Variants in NBAS observed in about 807,000 individuals in gnomAD.
The protein encoded by NBAS is NAG/BC035112 fusion.
Under a neutral mutation model 302.5 loss-of-function variants are expected in NBAS, and 219 were observed. The ratio of observed to expected loss-of-function variants is 0.72; its 90% CI spans 0.65 to 0.81. NBAS has a LOEUF of 0.81. NBAS is among the 30% of genes least tolerant of loss of function. NBAS has a pLI of 0.00. For synonymous variants in NBAS, 1,118 were observed against 1,021.6 expected (o/e 1.09, Z -1.80); for missense variants, 2,932 against 2,841.6 (o/e 1.03, Z -0.72).
intron 27 of NBAS, among the ~76,000 whole-genome samples, chr2:15,395,282 A>G (rs752672773): frequency 3.3e-5 from 5 of 152,220 alleles, no homozygotes; most frequent in South Asian, 4.1e-4. Context: ...TCTCTTCTCA[A>G]TTTTACTAGA....
intron 48 of NBAS, among the ~76,000 whole-genome samples, chr2:15,191,814 A>C (rs1483641071): frequency 6.6e-6 from 1 of 152,148 alleles, no homozygotes; most frequent in East Asian, 1.9e-4. Flanking sequence ...AAAACCAAAA[A>C]CAAAAACTCA....
chr2:14,836,424 T>C, the NBAS span, among the ~76,000 whole-genome samples: 2 of 151,894 alleles, frequency 1.3e-5, no homozygotes, highest in Admixed American at 6.6e-5. Flanking sequence ...TTGACTCTCA[T>C]GTAAAGGTCT....
the NBAS span, among the ~76,000 whole-genome samples, chr2:15,133,539 C>T: frequency 6.6e-6 from 1 of 152,024 alleles, no homozygotes; most frequent in Non-Finnish European, 1.5e-5. Flanking sequence ...CATATATGTC[C>T]AGTAGCTTTG....
chr2:15,443,395 C>T (rs897402156), intron 21 of NBAS, among the ~76,000 whole-genome samples: 43 of 152,058 alleles, frequency 2.8e-4, no homozygotes, highest in Admixed American at 9.8e-4. Flanking sequence ...GAACCAAAGA[C>T]AAAAACCACA....
the NBAS span, among the ~76,000 whole-genome samples, chr2:14,997,627 G>A: frequency 6.6e-6 from 1 of 151,802 alleles, no homozygotes; most frequent in Non-Finnish European, 1.5e-5. Context: ...TTTTTTGGTG[G>A]AAATATTTAT....
intron 48 of NBAS, among the ~76,000 whole-genome samples, chr2:15,206,185 G>A (rs1053658480): frequency 6.6e-6 from 1 of 152,178 alleles, no homozygotes; most frequent in East Asian, 1.9e-4. Context: ...AAGTTATTGG[G>A]AACTGGAATA....
chr2:15,527,572 C>T (rs758525914), intron 9 of NBAS, among the ~76,000 whole-genome samples: 1 of 152,104 alleles, frequency 6.6e-6, no homozygotes, highest in African/African-American at 2.4e-5. Context: ...AAAGACAACG[C>T]GTGGAGCCTC....
At chr2:15,553,969 A>C in intron 4 of NBAS, 92 bp downstream of exon 4, 1 of 1,101,430 alleles carries the variant, frequency 9.1e-7, no homozygotes, top group Middle Eastern at 1.9e-4. Context: ...AAAAATCAAG[A>C]CTGAAAGCCA....
At chr2:14,960,571 T>C in the NBAS span, among the ~76,000 whole-genome samples, 3 of 152,182 alleles carry the variant, frequency 2.0e-5, no homozygotes, top group African/African-American at 7.2e-5. Context: ...TGTGAAGAAG[T>C]CTGCTTTAAA....
chr2:15,338,391 T>G (rs1672689433), intron 35 of NBAS, among the ~76,000 whole-genome samples: 1 of 152,130 alleles, frequency 6.6e-6, no homozygotes, highest in Non-Finnish European at 1.5e-5. Context: ...TATAGCAAAT[T>G]TCATCTGAAC....
rs145668858 is a variant in NBAS at position 15,267,045 on chromosome 2, T to C, written c.5724+8439A>G. 3.8e-3 allele frequency among the ~76,000 whole-genome samples: 573 copies of C among 152,320 alleles called. 3 individuals are homozygous for C. Among genetic ancestry groups the C allele is most frequent in the East Asian group, 0.022 (116 of 5,192 alleles). On this transcript the variant is annotated intron_variant, in intron 44 of 51. Coordinates refer to ENST00000281513, the MANE Select transcript of NBAS (RefSeq NM_015909.4). Reference sequence around the variant, plus strand: ...CAATGACATCTTACAAAAAGCCATATCAATTTTAATATATACCAAATCAAA... The same window carrying C: ...CAATGACATCTTACAAAAAGCCATACCAATTTTAATATATACCAAATCAAA...
chr2:15,360,637 G>C (rs973660130), intron 32 of NBAS, among the ~76,000 whole-genome samples: 1 of 142,902 alleles, frequency 7.0e-6, no homozygotes, highest in Non-Finnish European at 1.5e-5. Context: ...AGTCTGAGCC[G>C]CCATGACCAG....
intron 21 of NBAS, among the ~76,000 whole-genome samples, chr2:15,443,811 G>T (rs1481551429): frequency 1.3e-5 from 2 of 151,940 alleles, no homozygotes; most frequent in Non-Finnish European, 2.9e-5. Context: ...AAAGTCTCAG[G>T]ATACAAAATC....
intron 11 of NBAS, among the ~76,000 whole-genome samples, chr2:15,495,399 A>G (rs1288038561): frequency 6.6e-6 from 1 of 152,230 alleles, no homozygotes; most frequent in Non-Finnish European, 1.5e-5. Context: ...CAAAAGAATA[A>G]AGGAAACACC....
At chr2:14,951,733 C>G in the NBAS span, among the ~76,000 whole-genome samples, 1 of 152,202 alleles carries the variant, frequency 6.6e-6, no homozygotes, top group South Asian at 2.1e-4. Context: ...ATTTCACCTT[C>G]AAAGCCACCC....
the NBAS span, among the ~76,000 whole-genome samples, chr2:14,804,061 G>T: frequency 6.6e-6 from 1 of 152,098 alleles, no homozygotes; most frequent in African/African-American, 2.4e-5. Context: ...CATGGATTTT[G>T]TATGTCTGAA....
rs770274060 is a variant in NBAS at position 15,475,885 on chromosome 2, G to A, written c.1148-5C>T. ...GTGGGTAAAAGGACTCTTTATCTAA[G>A]AAGCGAAAAACAAATCAATACAAAT... On this transcript the variant is annotated splice_polypyrimidine_tract_variant and splice_region_variant and intron_variant, in intron 13 of 51. Transcript: ENST00000281513. 6.2e-7 allele frequency: 1 copy of A among 1,608,430 alleles called. No homozygotes were observed. Among genetic ancestry groups the A allele is most frequent in the East Asian group, 2.2e-5 (1 of 44,818 alleles).
chr2:15,331,517 G>A (rs1253068534), intron 35 of NBAS, among the ~76,000 whole-genome samples: 8 of 152,128 alleles, frequency 5.3e-5, no homozygotes, highest in Non-Finnish European at 1.0e-4. Context: ...AAGAATCTCA[G>A]TTAAACAGAA....
At chr2:15,194,553 C>G (rs1365170369) in intron 48 of NBAS, among the ~76,000 whole-genome samples, 2 of 152,068 alleles carry the variant, frequency 1.3e-5, no homozygotes, top group Non-Finnish European at 2.9e-5. Flanking sequence ...ACTGGCTAAA[C>G]AAAGTTCTTC....
Sources: allele counts gnomAD v4.1 joint callset (sites outside exome capture counted in the v4.1 genomes callset), GRCh38; gene constraint gnomAD v4.1.1; transcripts MANE v1.5; gene names NCBI Gene and HGNC (gene_info 2026-07-23, HGNC 2026-07-21).